Variants in MAP2 observed in about 807,000 individuals in gnomAD.
The protein encoded by MAP2 is microtubule-associated protein 2.
A neutral mutation model predicts 137.6 loss-of-function variants in MAP2; 14 were observed. The ratio of observed to expected loss-of-function variants is 0.10; its 90% CI spans 0.07 to 0.16. The LOEUF is 0.16. Ranked by LOEUF, MAP2 falls within the 10% of genes least tolerant of loss-of-function variation. The pLI, the probability that MAP2 is intolerant of heterozygous loss-of-function variation, is 1.00. For missense variants in MAP2, 2,088 were observed against 2,191.5 expected, an observed-to-expected ratio of 0.95 and a Z score of 0.94; for synonymous variants, 786 against 782.3, an observed-to-expected ratio of 1.00 and a Z score of -0.08.
intron 5 of MAP2, among the ~76,000 whole-genome samples, chr2:209,659,129 C>G (rs1293385210): frequency 6.6e-6 from 1 of 152,154 alleles, no homozygotes; most frequent in East Asian, 1.9e-4. Context: ...TCATGCAACT[C>G]TCTTCTCAAC....
intron 2 of MAP2, among the ~76,000 whole-genome samples, chr2:209,544,652 A>G (rs1200116658): frequency 2.6e-5 from 4 of 152,204 alleles, no homozygotes; most frequent in African/African-American, 9.7e-5. Flanking sequence ...GTATATAGCT[A>G]TTATTTCCTT....
intron 1 of MAP2, among the ~76,000 whole-genome samples, chr2:209,441,628 T>C (rs1057479110): frequency 1.3e-5 from 2 of 151,548 alleles, no homozygotes; most frequent in African/African-American, 4.8e-5. Flanking sequence ...CCCAGTGCAA[T>C]CAGAGTAAGA....
intron 2 of MAP2, among the ~76,000 whole-genome samples, chr2:209,538,116 A>C (rs2066273507): frequency 6.6e-6 from 1 of 152,208 alleles, no homozygotes; most frequent in Non-Finnish European, 1.5e-5. Context: ...CTTCACGCAG[A>C]AATCTGTTGG....
chr2:209,705,879 A>T (rs1399252244), intron 12 of MAP2, 152 bp downstream of exon 12: 1 of 672,696 alleles, frequency 1.5e-6, no homozygotes, highest in Non-Finnish European at 2.4e-6. Flanking sequence ...CAGAATGTAG[A>T]TGGCTGCAAA....
At position 209,481,210 on chromosome 2, in the gene MAP2, C is replaced by T. The variant is rs117171741; in HGVS notation, c.-221-26382C>T. Among the ~76,000 whole-genome samples the T allele has an allele frequency of 5.9e-5, 9 of 152,300 alleles. No homozygotes were observed. The East Asian group carries it at 1.7e-3, about 29-fold the overall frequency. ...GGAAGGAGAAGGAAACAGGAATGGG[C>T]AGAGGGAGAACTTGAGCTGCTTTGC... On this transcript the variant is annotated intron_variant, in intron 1 of 15. Transcript: ENST00000682079.
intron 2 of MAP2, among the ~76,000 whole-genome samples, chr2:209,545,907 G>A (rs975584887): frequency 2.0e-5 from 3 of 152,166 alleles, no homozygotes; most frequent in African/African-American, 7.2e-5. Flanking sequence ...TTGGGAGGCC[G>A]AGGCGGGCGG....
chr2:209,540,385 G>A (rs1252286791), intron 2 of MAP2, among the ~76,000 whole-genome samples: 5 of 151,478 alleles, frequency 3.3e-5, no homozygotes. Flanking sequence ...TGTAATCCCA[G>A]CACTTTGGAA....
At chr2:209,426,082 A>G (rs1301036444) in intron 1 of MAP2, among the ~76,000 whole-genome samples, 1 of 152,202 alleles carries the variant, frequency 6.6e-6, no homozygotes, top group Non-Finnish European at 1.5e-5. Flanking sequence ...TCATCTGATT[A>G]TCATAGGTGT....
chr2:209,639,693 C>T lies in MAP2; in HGVS notation c.-29-13449C>T, dbSNP rs541008491. Among the ~76,000 whole-genome samples, 13 of 152,182 alleles carry T rather than the reference C, an allele frequency of 8.5e-5. No homozygotes were observed. The South Asian group carries it at 1.9e-3, about 22-fold the overall frequency. On this transcript the variant is annotated intron_variant, in intron 4 of 15. Transcript: ENST00000682079. ...TACAATTCTGCCATTGCCTGGCCAT[C>T]GACCTCATTTCCACACTTCCCACTT... is the stretch of plus-strand genomic sequence containing the variant.
chr2:209,511,524 G>C (rs191516228), intron 2 of MAP2, among the ~76,000 whole-genome samples: 1 of 152,242 alleles, frequency 6.6e-6, no homozygotes, highest in Admixed American at 6.5e-5. Flanking sequence ...TTTGAAATTA[G>C]ATTAATTCAT....
chr2:209,718,772 G>T, intron 13 of MAP2, among the ~76,000 whole-genome samples: 1 of 152,180 alleles, frequency 6.6e-6, no homozygotes, highest in Middle Eastern at 3.4e-3. Flanking sequence ...GTTTATATTG[G>T]ATATAAAAAA....
chr2:209,515,463 G>GA (rs2062352404), intron 2 of MAP2, among the ~76,000 whole-genome samples: 2 of 152,110 alleles, frequency 1.3e-5, no homozygotes, highest in South Asian at 2.1e-4. Context: ...GGTGCAAGCG[G>GA]AAGCAGGCAC....
chr2:209,709,831 C>A, intron 12 of MAP2, 83 bp from the exon 13 acceptor site: 1 of 971,814 alleles, frequency 1.0e-6, no homozygotes, highest in Non-Finnish European at 1.6e-6. Flanking sequence ...CGTATTATGA[C>A]TTCTAACAAT....
At chr2:209,535,174 A>G (rs1559290150) in intron 2 of MAP2, among the ~76,000 whole-genome samples, 1 of 152,154 alleles carries the variant, frequency 6.6e-6, no homozygotes, top group Non-Finnish European at 1.5e-5. Flanking sequence ...TATAAATGGA[A>G]TGATATAATA....
At chr2:209,626,420 G>T (rs958145090) in intron 4 of MAP2, among the ~76,000 whole-genome samples, 1 of 151,954 alleles carries the variant, frequency 6.6e-6, no homozygotes, top group Non-Finnish European at 1.5e-5. Flanking sequence ...TCTCAAAAAA[G>T]TATATATATT....
chr2:209,476,070 C>A (rs1707136813), intron 1 of MAP2, among the ~76,000 whole-genome samples: 1 of 151,600 alleles, frequency 6.6e-6, no homozygotes, highest in African/African-American at 2.4e-5. Flanking sequence ...TAAAAAAAAA[C>A]AAAACAAGTT....
intron 1 of MAP2, among the ~76,000 whole-genome samples, chr2:209,476,301 A>G (rs763355030): frequency 6.8e-4 from 104 of 152,168 alleles, no homozygotes; most frequent in Admixed American, 1.2e-3. Flanking sequence ...GGAATTAAAC[A>G]TCTCAGTAAA....
Position 209,653,141 on chromosome 2 carries a change from G to T in MAP2, c.-29-1G>T, listed in dbSNP as rs777358022. On this transcript the variant is annotated splice_acceptor_variant, in intron 4 of 15. Transcript: ENST00000682079. LOFTEE classifies it low-confidence loss of function (5UTR_SPLICE). Reference sequence around the variant, plus strand: ...AATAGCTACTATTTTTTCTCTTTCAGTTGCAGGAGAAATAACAAGGCATTG... The same window carrying T: ...AATAGCTACTATTTTTTCTCTTTCATTTGCAGGAGAAATAACAAGGCATTG... 38 of 1,547,662 alleles carry T rather than the reference G, an allele frequency of 2.5e-5. No homozygotes were observed. In the Admixed American group the frequency reaches 3.5e-4, roughly 14 times the overall value.
intron 11 of MAP2, chr2:209,703,987 G>A: frequency 2.2e-6 from 1 of 454,870 alleles, no homozygotes; most frequent in Non-Finnish European, 4.4e-6. Context: ...TTTTAATCAG[G>A]GTGTCCATGT....
Sources: allele counts gnomAD v4.1 joint callset (sites outside exome capture counted in the v4.1 genomes callset), GRCh38; gene constraint gnomAD v4.1.1; transcripts MANE v1.5; gene names NCBI Gene and HGNC (gene_info 2026-07-23, HGNC 2026-07-21).